GABRB1: variants seen among roughly 807,000 people sequenced by gnomAD.
GABRB1 encodes the protein gamma-aminobutyric acid receptor subunit beta-1.
In GABRB1, 17 loss-of-function variants were observed where a neutral mutation model predicts 51.6. The ratio of observed to expected loss-of-function variants is 0.33; its 90% CI spans 0.23 to 0.49. GABRB1 has a LOEUF of 0.49. GABRB1 is among the 20% of genes least tolerant of loss of function. The probability of loss-of-function intolerance (pLI) is 0.99; values close to 1 mark genes in which losing one functional copy is unlikely to be tolerated. For synonymous variants in GABRB1, 247 were observed against 218.9 expected (o/e 1.13, Z -1.14); for missense variants, 410 against 600.6 (o/e 0.68, Z 3.32).
At chr4:47,116,630 C>T (rs976956706) in intron 3 of GABRB1, among the ~76,000 whole-genome samples, 2 of 151,924 alleles carry the variant, frequency 1.3e-5, no homozygotes, top group African/African-American at 4.8e-5. Flanking sequence ...CTAATTTTTT[C>T]CTTGGGATTT....
chr4:47,025,502 AT>A (rs959574541), intron 1 of GABRB1, among the ~76,000 whole-genome samples: 1 of 151,604 alleles, frequency 6.6e-6, no homozygotes, highest in Admixed American at 6.6e-5. Context: ...ATAAACTTGA[AT>A]TTTTTTTCCA....
chr4:47,092,013 T>TGG lies in GABRB1; in HGVS notation c.240+59529_240+59530insGG, dbSNP rs1728316929. ...TTCCCATGATCACAGACTGGGTCAGTATCTCCCCCTAATCTTTCACAACCC... is the reference window on the plus strand; with the variant it reads ...TTCCCATGATCACAGACTGGGTCAGTGGATCTCCCCCTAATCTTTCACAACCC... On this transcript the variant is annotated intron_variant, in intron 3 of 8. Transcript: ENST00000295454. Among the ~76,000 whole-genome samples the TGG allele has an allele frequency of 2.0e-5, 3 of 152,242 alleles. No individual in the cohort carries two copies. The South Asian group carries it at 6.2e-4, about 32-fold the overall frequency.
intron 3 of GABRB1, among the ~76,000 whole-genome samples, chr4:47,098,952 T>C (rs1714596234): frequency 6.6e-6 from 1 of 152,102 alleles, no homozygotes; most frequent in Non-Finnish European, 1.5e-5. Flanking sequence ...AAAGATGTTA[T>C]TCTTAGACAG....
chr4:47,330,028 C>A (rs1345406586), intron 5 of GABRB1, among the ~76,000 whole-genome samples: 2 of 152,092 alleles, frequency 1.3e-5, no homozygotes, highest in African/African-American at 4.8e-5. Context: ...TAACTCTAGT[C>A]TGAAGACCTA....
chr4:47,333,194 T>TTATATATA (rs1162712786), intron 5 of GABRB1, among the ~76,000 whole-genome samples: 2 of 113,218 alleles, frequency 1.8e-5, no homozygotes, highest in Non-Finnish European at 1.9e-5. Flanking sequence ...CCCATTTTAT[T>TTATATATA]TATATATATA....
chr4:47,047,390 T>C (rs1012175353), intron 3 of GABRB1, among the ~76,000 whole-genome samples: 7 of 152,020 alleles, frequency 4.6e-5, no homozygotes, highest in Non-Finnish European at 8.8e-5. Context: ...CCATATGAAG[T>C]ATATATCATT....
At chr4:47,092,953 G>A (rs1165374950) in intron 3 of GABRB1, among the ~76,000 whole-genome samples, 4 of 152,136 alleles carry the variant, frequency 2.6e-5, no homozygotes, top group Admixed American at 2.6e-4. Flanking sequence ...TATAACTATA[G>A]TCATTGCTGT....
chr4:47,142,964 C>T (rs1716995929), intron 3 of GABRB1, among the ~76,000 whole-genome samples: 1 of 151,796 alleles, frequency 6.6e-6, no homozygotes, highest in South Asian at 2.1e-4. Context: ...CAATCATATT[C>T]ACCTAGTCCT....
chr4:47,148,490 G>T (rs957674758), intron 3 of GABRB1, among the ~76,000 whole-genome samples: 4 of 152,022 alleles, frequency 2.6e-5, no homozygotes, highest in Admixed American at 6.6e-5. Context: ...TTAACTTACT[G>T]TCACTTACAA....
chr4:47,222,955 G>T (rs1720817021), intron 4 of GABRB1, among the ~76,000 whole-genome samples: 1 of 152,036 alleles, frequency 6.6e-6, no homozygotes, highest in Non-Finnish European at 1.5e-5. Context: ...ATTTTTAGTA[G>T]CATGAGTACT....
At chr4:47,415,182 A>T (rs1378945130) in intron 8 of GABRB1, among the ~76,000 whole-genome samples, 1 of 152,222 alleles carries the variant, frequency 6.6e-6, no homozygotes, top group Admixed American at 6.5e-5. Context: ...TTGGTGAACA[A>T]GAAAGAAGTC....
intron 3 of GABRB1, among the ~76,000 whole-genome samples, chr4:47,113,964 A>T (rs1364856515): frequency 6.6e-6 from 1 of 152,220 alleles, no homozygotes; most frequent in Non-Finnish European, 1.5e-5. Flanking sequence ...TCAGCCAGAA[A>T]ATAAGGTATG....
intron 3 of GABRB1, among the ~76,000 whole-genome samples, chr4:47,124,731 A>G (rs576369518): frequency 2.0e-5 from 3 of 152,286 alleles, no homozygotes; most frequent in African/African-American, 7.2e-5. Flanking sequence ...AAATTGCAAT[A>G]CAGAACTTCA....
intron 4 of GABRB1, among the ~76,000 whole-genome samples, chr4:47,266,511 T>C (rs1485105611): frequency 6.6e-6 from 1 of 152,126 alleles, no homozygotes; most frequent in African/African-American, 2.4e-5. Context: ...TACAATTTAG[T>C]TTCTGTCTTA....
At position 47,013,309 on chromosome 4, in the gene GABRB1, AC is replaced by A. The variant is rs1724636824; in HGVS notation, c.-19-18603del. ...ACTTTTAGAAATAAGCTGGGTGCCC[AC>A]CACCATGCCCGGATAATTTTTGTAT... On this transcript the variant is annotated intron_variant, in intron 1 of 3. Coordinates refer to the GABRB1 transcript ENST00000513567. 2.6e-5 allele frequency among the ~76,000 whole-genome samples: 4 copies of A among 152,270 alleles called. No homozygotes were observed. In the South Asian group the frequency reaches 8.3e-4, roughly 32 times the overall value.
chr4:46,998,316 A>T (rs2109424833), intron 1 of GABRB1, among the ~76,000 whole-genome samples: 1 of 152,308 alleles, frequency 6.6e-6, no homozygotes, highest in South Asian at 2.1e-4. Flanking sequence ...ATCAAGTTGG[A>T]CATTAAGACA....
At chr4:47,063,987 A>C (rs1371436358) in intron 3 of GABRB1, among the ~76,000 whole-genome samples, 1 of 152,180 alleles carries the variant, frequency 6.6e-6, no homozygotes, top group Non-Finnish European at 1.5e-5. Context: ...ACCATGGCAC[A>C]CGTTTGCCTA....
chr4:47,322,688 AG>A (rs1396102873), intron 5 of GABRB1, among the ~76,000 whole-genome samples: 1 of 152,150 alleles, frequency 6.6e-6, no homozygotes, highest in Non-Finnish European at 1.5e-5. Context: ...TTAGAAGTAT[AG>A]GTTTGTCACG....
chr4:47,228,889 C>T lies in GABRB1; in HGVS notation c.461+67420C>T, dbSNP rs113925497. Among the ~76,000 whole-genome samples the T allele has an allele frequency of 2.5e-3, 386 of 152,154 alleles. 5 individuals carry two copies. Among genetic ancestry groups the T allele is most frequent in the African/African-American group, 8.3e-3 (346 of 41,510 alleles). On this transcript the variant is annotated intron_variant, in intron 4 of 8. Coordinates refer to ENST00000295454, the MANE Select transcript of GABRB1 (RefSeq NM_000812.4). ...GACTTTGCAGATGAGTATTTTGGTC[C>T]TAAAGGATGATTTGTGCAATATACC...
Sources: gnomAD v4.1 joint callset for allele counts (sites outside exome capture counted in the v4.1 genomes callset) on GRCh38, gnomAD v4.1.1 for gene constraint, MANE v1.5 for transcripts, NCBI Gene and HGNC (gene_info 2026-07-23, HGNC 2026-07-21) for gene names.